Variants in XRCC6 observed in about 807,000 individuals in gnomAD.
The protein encoded by XRCC6 is DNA repair protein Ku70.
A neutral mutation model predicts 65.7 loss-of-function variants in XRCC6; 5 were observed. The observed-to-expected ratio is 0.08, with a 90% confidence interval of 0.04 to 0.16. The LOEUF is 0.16. XRCC6 is among the 10% of genes least tolerant of loss of function. The pLI is 1.00. For missense variants in XRCC6, 447 were observed against 738.1 expected (o/e 0.61, Z 4.57); for synonymous variants, 270 against 270.6 (o/e 1.00, Z 0.02).
intron 2 of XRCC6, among the ~76,000 whole-genome samples, chr22:41,626,723 C>T (rs1450076576): frequency 6.6e-6 from 1 of 151,288 alleles, no homozygotes; most frequent in Non-Finnish European, 1.5e-5. Context: ...CTGGAAGCTC[C>T]CCCTCCCGGG....
intron 2 of XRCC6, among the ~76,000 whole-genome samples, chr22:41,623,119 A>ACTCAC (rs2147059905): frequency 6.6e-6 from 1 of 152,138 alleles, no homozygotes; most frequent in East Asian, 1.9e-4. Flanking sequence ...TTTAATAGAG[A>ACTCAC]CAGGCTGGAG....
chr22:41,662,823 C>T (rs2068111769), intron 12 of XRCC6, among the ~76,000 whole-genome samples: 1 of 152,010 alleles, frequency 6.6e-6, no homozygotes, highest in Non-Finnish European at 1.5e-5. Flanking sequence ...TGGCTCACAC[C>T]TGTAATCCCA....
chr22:41,632,000 C>T (rs550144592), intron 3 of XRCC6, among the ~76,000 whole-genome samples: 28 of 152,248 alleles, frequency 1.8e-4, no homozygotes, highest in African/African-American at 6.0e-4. Context: ...TGGCGGCACG[C>T]GCCTGCAATC....
intron 5 of XRCC6, 95 bp downstream of exon 5, chr22:41,636,865 A>C: frequency 6.8e-7 from 1 of 1,461,578 alleles, no homozygotes. Flanking sequence ...GCTCAGCCTC[A>C]GCCTCCCAAG....
intron 6 of XRCC6, among the ~76,000 whole-genome samples, chr22:41,640,352 T>A (rs1207539510): frequency 6.6e-6 from 1 of 151,966 alleles, no homozygotes; most frequent in South Asian, 2.1e-4. Flanking sequence ...GGTTTCACCG[T>A]GTTAGCTAGG....
At chr22:41,636,299 A>G (rs773536745) in intron 4 of XRCC6, 48 bp downstream of exon 4, 4 of 1,549,964 alleles carry the variant, frequency 2.6e-6, no homozygotes, top group Non-Finnish European at 1.7e-6. Flanking sequence ...TGAGAATATC[A>G]GTACTCTGAT....
chr22:41,655,523 G>A (rs2068036863), intron 9 of XRCC6, among the ~76,000 whole-genome samples: 1 of 151,310 alleles, frequency 6.6e-6, no homozygotes. Flanking sequence ...TGGCTAACAC[G>A]GTGAAACCGT....
intron 3 of XRCC6, among the ~76,000 whole-genome samples, chr22:41,630,885 A>G (rs2067735758): frequency 6.6e-6 from 1 of 152,180 alleles, no homozygotes; most frequent in Admixed American, 6.5e-5. Context: ...CACGGCAACC[A>G]TCCGATTTCT....
intron 8 of XRCC6, among the ~76,000 whole-genome samples, chr22:41,652,734 C>T (rs144149069): frequency 1.3e-5 from 2 of 152,116 alleles, no homozygotes; most frequent in Admixed American, 6.5e-5. Context: ...AATGCAGTGG[C>T]AATGTCTCTG....
chr22:41,633,553 CT>C (rs1021312601), intron 3 of XRCC6, among the ~76,000 whole-genome samples: 45 of 152,026 alleles, frequency 3.0e-4, no homozygotes, highest in Admixed American at 2.6e-3. Context: ...ATTTTTTGTT[CT>C]TGTTTTTTAG....
intron 2 of XRCC6, among the ~76,000 whole-genome samples, chr22:41,626,366 C>G (rs546381772): frequency 6.6e-6 from 1 of 152,284 alleles, no homozygotes; most frequent in South Asian, 2.1e-4. Flanking sequence ...TGGTCTCAAT[C>G]TCTTGTCCTC....
intron 1 of XRCC6, chr22:41,621,740 C>T (rs2067608138): frequency 8.2e-6 from 4 of 489,314 alleles, no homozygotes; most frequent in African/African-American, 2.0e-5. Flanking sequence ...GGCGGGACCT[C>T]CGGGATCTGG....
chr22:41,621,665 A>AG (rs1288981610), intron 1 of XRCC6: 1 of 276,700 alleles, frequency 3.6e-6, no homozygotes, highest in Non-Finnish European at 7.0e-6. Context: ...ATTGAGGACG[A>AG]GGGGGTCCGT....
intron 2 of XRCC6, among the ~76,000 whole-genome samples, chr22:41,623,527 A>G (rs1054256037): frequency 1.3e-5 from 2 of 151,674 alleles, no homozygotes; most frequent in South Asian, 4.2e-4. Flanking sequence ...AGCTGGGACC[A>G]TAGGCGCCCA....
At chr22:41,632,895 G>A (rs1411792175) in intron 3 of XRCC6, among the ~76,000 whole-genome samples, 5 of 151,576 alleles carry the variant, frequency 3.3e-5, no homozygotes, top group African/African-American at 7.3e-5. Flanking sequence ...TTGGGAGGCC[G>A]AGGTGGGCGG....
At chr22:41,636,281 C>T (rs368904166) in intron 4 of XRCC6, 30 bp downstream of exon 4, 13 of 1,564,312 alleles carry the variant, frequency 8.3e-6, no homozygotes, top group Non-Finnish European at 1.0e-5. Context: ...CAGCTTTTCC[C>T]TTATATATGA....
At chr22:41,628,545 G>A (rs2067704356) in intron 3 of XRCC6, among the ~76,000 whole-genome samples, 1 of 152,202 alleles carries the variant, frequency 6.6e-6, no homozygotes, top group Admixed American at 6.5e-5. Flanking sequence ...TATAAAGGAA[G>A]AAGGGAAGTT....
intron 6 of XRCC6, among the ~76,000 whole-genome samples, chr22:41,638,794 AAAAAG>A (rs1240462499): frequency 1.3e-5 from 2 of 151,826 alleles, no homozygotes; most frequent in African/African-American, 4.8e-5. Context: ...AAAAAAAAAA[AAAAAG>A]AAATATGGTA....
At chr22:41,661,538 T>C in intron 12 of XRCC6, 94 bp downstream of exon 12, 1 of 1,063,828 alleles carries the variant, frequency 9.4e-7, no homozygotes, top group Non-Finnish European at 1.4e-6. Flanking sequence ...GAAATATCTA[T>C]TCACAGTCTA....
Sources: gnomAD v4.1 joint callset for allele counts (sites outside exome capture counted in the v4.1 genomes callset) on GRCh38, gnomAD v4.1.1 for gene constraint, MANE v1.5 for transcripts, NCBI Gene and HGNC (gene_info 2026-07-23, HGNC 2026-07-21) for gene names.